The following TENM4 variants were observed in gnomAD, a reference collection of about 807,000 sequenced individuals.
TENM4 encodes the protein teneurin-4.
TENM4 carries 82 observed loss-of-function variants against 243.3 expected under a neutral mutation model. The ratio of observed to expected loss-of-function variants is 0.34; its 90% confidence interval spans 0.28 to 0.40. TENM4 has a LOEUF of 0.40. Ranked by LOEUF, TENM4 falls within the 10% of genes least tolerant of loss-of-function variation. The pLI is 1.00. For missense variants in TENM4, 3,138 were observed against 3,673.3 expected (o/e 0.85, Z 3.77); for synonymous variants, 1,412 against 1,456.3 (o/e 0.97, Z 0.69).
intron 19 of TENM4, among the ~76,000 whole-genome samples, chr11:78,742,806 C>T (rs549259677): frequency 6.6e-6 from 1 of 152,244 alleles, no homozygotes; most frequent in South Asian, 2.1e-4. Flanking sequence ...AGAGACAAAA[C>T]CACTCCAAAA....
chr11:79,289,103 T>C (rs1005975952), intron 2 of TENM4, among the ~76,000 whole-genome samples: 23 of 152,204 alleles, frequency 1.5e-4, no homozygotes, highest in African/African-American at 5.5e-4. Context: ...TATGACACCA[T>C]CAATAAATGT....
chr11:79,214,036 G>A (rs1180522539), intron 3 of TENM4, among the ~76,000 whole-genome samples: 2 of 150,784 alleles, frequency 1.3e-5, no homozygotes, highest in African/African-American at 2.4e-5. Flanking sequence ...CTGTCACCCA[G>A]GCTGGAGTGC....
rs372827643 is a variant in TENM4, at chr11:78,814,243, C to T, written c.1783+51G>A. 4.7e-5 allele frequency: 72 copies of T among 1,517,166 alleles called. No homozygotes were observed. In the African/African-American group the frequency reaches 9.2e-4, roughly 19 times the overall value. The allele number at this position is 1,517,166 out of a possible 1,614,324, so 94.0% of individuals were successfully genotyped here. A position where few individuals can be genotyped will look rare whatever the true frequency, so the allele number is the denominator to read the frequency against. ...TGCTCTGAGAAGTAGAAGTGAGCTG[C>T]CTGAGGGGTCTGGGAAGCAGAAATC... On this transcript the variant is annotated intron_variant, in intron 13 of 33. Transcript: ENST00000278550.
At chr11:79,380,304 T>C (rs180693852) in intron 1 of TENM4, among the ~76,000 whole-genome samples, 60 of 150,110 alleles carry the variant, frequency 4.0e-4, no homozygotes, top group East Asian at 2.2e-3. Context: ...ATCAAGACAG[T>C]GTAGGGAAAA....
intron 27 of TENM4, among the ~76,000 whole-genome samples, chr11:78,704,034 T>TACACAC (rs375601895): frequency 2.0e-4 from 28 of 138,270 alleles, no homozygotes; most frequent in African/African-American, 6.4e-4. Context: ...CATATATATA[T>TACACAC]ACACACACAC....
intron 1 of TENM4, among the ~76,000 whole-genome samples, chr11:79,307,672 G>T (rs573105695): frequency 3.3e-5 from 5 of 152,044 alleles, no homozygotes; most frequent in Non-Finnish European, 5.9e-5. Flanking sequence ...CCTTTTGCTC[G>T]CCATTCTTTC....
intron 6 of TENM4, among the ~76,000 whole-genome samples, chr11:78,964,249 G>A (rs1468957977): frequency 6.6e-6 from 1 of 151,856 alleles, no homozygotes; most frequent in Non-Finnish European, 1.5e-5. Context: ...CACCATGTTG[G>A]CCAGGATGGT....
chr11:79,010,764 G>A (rs955510116), intron 6 of TENM4, among the ~76,000 whole-genome samples: 7 of 152,130 alleles, frequency 4.6e-5, no homozygotes, highest in Admixed American at 4.6e-4. Flanking sequence ...GGGAATTCAA[G>A]ATGAGATTTG....
intron 9 of TENM4, among the ~76,000 whole-genome samples, chr11:78,865,030 G>A (rs528853046): frequency 2.0e-5 from 3 of 152,234 alleles, no homozygotes; most frequent in South Asian, 2.1e-4. Flanking sequence ...GGCAGTATGT[G>A]GGGGAACTTG....
At chr11:79,294,455 C>T (rs905759951) in intron 2 of TENM4, among the ~76,000 whole-genome samples, 2 of 152,166 alleles carry the variant, frequency 1.3e-5, no homozygotes, top group African/African-American at 4.8e-5. Flanking sequence ...TGGTTTTTAG[C>T]CTCCACTAGC....
chr11:79,123,383 C>T (rs796095690), intron 4 of TENM4, among the ~76,000 whole-genome samples: 53 of 152,264 alleles, frequency 3.5e-4, no homozygotes, highest in African/African-American at 1.3e-3. Context: ...GGGGTTCAAC[C>T]CAGGTAGTCT....
intron 6 of TENM4, among the ~76,000 whole-genome samples, chr11:78,931,024 A>G (rs1856657780): frequency 6.6e-6 from 1 of 152,156 alleles, no homozygotes; most frequent in Admixed American, 6.5e-5. Context: ...CCTTAAGCAA[A>G]CATCTAACGT....
rs565185679 is a variant in TENM4, at chr11:79,023,214, C to T, written c.493+41524G>A. Among the ~76,000 whole-genome samples, 5 of 152,200 alleles carry T rather than the reference C, an allele frequency of 3.3e-5. No homozygotes were observed. In the East Asian group the frequency reaches 5.8e-4, roughly 18 times the overall value. On this transcript the variant is annotated intron_variant, in intron 6 of 33. Coordinates refer to ENST00000278550, the MANE Select transcript of TENM4 (RefSeq NM_001098816.3). The stretch of plus-strand genomic sequence containing the variant: ...CTAATCCCCATTTGTCAAGAAAATG[C>T]CACCACCCTCACATTAGGGATAAAT...
chr11:79,017,332 C>T lies in TENM4; in HGVS notation c.493+47406G>A, dbSNP rs150717251. Reference sequence around the variant, plus strand: ...TTTAGTCTCTGCTTTTACATTTCTGCAGGGCTTTTCCAGGGAAGAAATGGC... The same window carrying T: ...TTTAGTCTCTGCTTTTACATTTCTGTAGGGCTTTTCCAGGGAAGAAATGGC... On this transcript the variant is annotated intron_variant, in intron 6 of 33. Transcript: ENST00000278550. 3.7e-4 allele frequency among the ~76,000 whole-genome samples: 56 copies of T among 152,276 alleles called. No homozygotes were observed. The Middle Eastern group carries it at 0.014, about 37-fold the overall frequency.
chr11:78,880,125 C>A (rs1859392041), intron 9 of TENM4, among the ~76,000 whole-genome samples: 1 of 152,120 alleles, frequency 6.6e-6, no homozygotes, highest in Admixed American at 6.5e-5. Context: ...ATTCTTCTAC[C>A]TTGGGATGCT....
intron 2 of TENM4, among the ~76,000 whole-genome samples, chr11:79,239,725 G>T (rs989643540): frequency 2.6e-5 from 4 of 152,130 alleles, no homozygotes; most frequent in Admixed American, 2.6e-4. Context: ...TATTCCTGGG[G>T]CACTCTGCGG....
chr11:79,240,040 T>C (rs1864560296), intron 2 of TENM4, among the ~76,000 whole-genome samples: 1 of 152,172 alleles, frequency 6.6e-6, no homozygotes, highest in African/African-American at 2.4e-5. Flanking sequence ...ACTATGGTGG[T>C]AAAGTGCTCT....
At chr11:78,755,030 T>C (rs1856275269) in intron 19 of TENM4, among the ~76,000 whole-genome samples, 1 of 152,222 alleles carries the variant, frequency 6.6e-6, no homozygotes, top group South Asian at 2.1e-4. Flanking sequence ...CGCTCCGTCA[T>C]GTTCCAGCAG....
chr11:79,202,643 C>T (rs1420357681), intron 3 of TENM4, among the ~76,000 whole-genome samples: 1 of 152,110 alleles, frequency 6.6e-6, no homozygotes, highest in African/African-American at 2.4e-5. Context: ...TGGGACAGTC[C>T]AGTGGTGGCC....
Sources: gnomAD v4.1 joint callset for allele counts (sites outside exome capture counted in the v4.1 genomes callset) on GRCh38, gnomAD v4.1.1 for gene constraint, MANE v1.5 for transcripts, NCBI Gene and HGNC (gene_info 2026-07-23, HGNC 2026-07-21) for gene names.